AUTS2: variants seen among roughly 807,000 people sequenced by gnomAD.
The protein encoded by AUTS2 is activator of transcription and developmental regulator AUTS2, also known as autism susceptibility gene 2 protein.
In AUTS2, 17 loss-of-function variants were observed where a neutral mutation model predicts 112.4. The ratio of observed to expected loss-of-function variants is 0.15; its 90% CI spans 0.10 to 0.23. The LOEUF is 0.23. Among genes scored for constraint, AUTS2 ranks in the 10% least tolerant of loss-of-function variants. AUTS2 has a pLI of 1.00. For missense variants in AUTS2, 1,510 were observed against 1,701.6 expected, an observed-to-expected ratio of 0.89 and a Z score of 1.98; for synonymous variants, 751 against 702.7, an observed-to-expected ratio of 1.07 and a Z score of -1.09.
intron 1 of AUTS2, among the ~76,000 whole-genome samples, chr7:69,624,736 G>A (rs1793859318): frequency 6.6e-6 from 1 of 152,140 alleles, no homozygotes; most frequent in Admixed American, 6.5e-5. Flanking sequence ...CTAAACAGGT[G>A]ACAAGACTCC....
rs912544206 is a variant in AUTS2, at chr7:70,129,355, G to A, written c.625-5181G>A. ...GTTCTTTTCAGACCTTCAACTGATTGGATAAGTCTCACCCATTTTAGGGAG... is the reference window on the plus strand; with the variant it reads ...GTTCTTTTCAGACCTTCAACTGATTAGATAAGTCTCACCCATTTTAGGGAG... On this transcript the variant is annotated intron_variant, in intron 3 of 18. Coordinates refer to ENST00000342771, the MANE Select transcript of AUTS2 (RefSeq NM_015570.4). Among the ~76,000 whole-genome samples the A allele has an allele frequency of 5.9e-5, 9 of 152,264 alleles. No homozygotes were observed. In the South Asian group the frequency reaches 1.9e-3, roughly 32 times the overall value.
intron 8 of AUTS2, among the ~76,000 whole-genome samples, 180 bp from the exon 9 acceptor site, chr7:70,765,932 CAG>C (rs1196586055): frequency 6.6e-6 from 1 of 152,118 alleles, no homozygotes; most frequent in Non-Finnish European, 1.5e-5. Flanking sequence ...AACAGGGAGA[CAG>C]GGTGCGACCG....
At chr7:70,075,964 C>G (rs994925452) in intron 2 of AUTS2, among the ~76,000 whole-genome samples, 2 of 152,208 alleles carry the variant, frequency 1.3e-5, no homozygotes, top group African/African-American at 2.4e-5. Context: ...TACAGCTACT[C>G]AACTCTGCCA....
intron 4 of AUTS2, among the ~76,000 whole-genome samples, chr7:70,248,794 A>G (rs1265208639): frequency 6.6e-6 from 1 of 152,220 alleles, no homozygotes; most frequent in Non-Finnish European, 1.5e-5. Context: ...GGAGGAAAGG[A>G]AAGATAATGA....
chr7:69,615,466 C>G (rs1387475944), intron 1 of AUTS2, among the ~76,000 whole-genome samples: 1 of 152,090 alleles, frequency 6.6e-6, no homozygotes, highest in Non-Finnish European at 1.5e-5. Context: ...CCACACCTGG[C>G]TAATTTTTGT....
intron 1 of AUTS2, among the ~76,000 whole-genome samples, chr7:69,725,289 C>T (rs1786455801): frequency 6.6e-6 from 1 of 152,064 alleles, no homozygotes. Context: ...TTATGGAGCC[C>T]ACTTGAATCA....
At chr7:70,336,228 A>T (rs548946589) in intron 4 of AUTS2, among the ~76,000 whole-genome samples, 1 of 152,296 alleles carries the variant, frequency 6.6e-6, no homozygotes, top group African/African-American at 2.4e-5. Context: ...TGGAACAATA[A>T]AGAAAATGTA....
At chr7:69,719,618 T>C (rs1798809756) in intron 1 of AUTS2, among the ~76,000 whole-genome samples, 1 of 152,200 alleles carries the variant, frequency 6.6e-6, no homozygotes, top group Admixed American at 6.5e-5. Flanking sequence ...CTATGGGAAG[T>C]TGAGGGATCT....
At chr7:70,778,682 T>C (rs1370595382) in intron 14 of AUTS2, among the ~76,000 whole-genome samples, 1 of 152,204 alleles carries the variant, frequency 6.6e-6, no homozygotes, top group Non-Finnish European at 1.5e-5. Flanking sequence ...TACCTGCTCT[T>C]TCTTATAACA....
intron 3 of AUTS2, among the ~76,000 whole-genome samples, chr7:70,133,276 C>G (rs1054238905): frequency 6.6e-6 from 1 of 152,200 alleles, no homozygotes; most frequent in Non-Finnish European, 1.5e-5. Context: ...AAGAGCTTAG[C>G]ATCAAGAAGA....
At position 69,695,651 on chromosome 7, in the gene AUTS2, A is replaced by G. The variant is rs553717821; in HGVS notation, c.309+95689A>G. Among the ~76,000 whole-genome samples the G allele has an allele frequency of 1.7e-4, 26 of 152,306 alleles. No homozygotes were observed. In the South Asian group the frequency reaches 5.2e-3, roughly 30 times the overall value. ...TCTTAAAACTAGATTGATAGTAGAC[A>G]TTAATAGGCTTGATGTTGTTTATAA... On this transcript the variant is annotated intron_variant, in intron 1 of 18. Coordinates refer to ENST00000342771, the MANE Select transcript of AUTS2 (RefSeq NM_015570.4).
At chr7:69,667,178 A>T (rs948601234) in intron 1 of AUTS2, among the ~76,000 whole-genome samples, 10 of 151,822 alleles carry the variant, frequency 6.6e-5, no homozygotes, top group African/African-American at 2.4e-4. Context: ...CGCTATCCCT[A>T]CTCCCACAAT....
intron 4 of AUTS2, among the ~76,000 whole-genome samples, chr7:70,385,784 A>C (rs1425564532): frequency 6.6e-6 from 1 of 152,176 alleles, no homozygotes; most frequent in Non-Finnish European, 1.5e-5. Context: ...TATGATGTGA[A>C]CAGTAGCAGT....
intron 13 of AUTS2, among the ~76,000 whole-genome samples, chr7:70,776,312 A>G (rs6460557): frequency 0.19 from 29,631 of 152,068 alleles, 3,407 homozygotes; most frequent in East Asian, 0.38. Flanking sequence ...ATGAAGTGAA[A>G]AGGTGGTCCC....
intron 5 of AUTS2, among the ~76,000 whole-genome samples, chr7:70,492,504 C>G (rs1562991009): frequency 6.6e-6 from 1 of 152,164 alleles, no homozygotes; most frequent in Non-Finnish European, 1.5e-5. Context: ...TTCTCACATG[C>G]ATTCTCTTAC....
intron 5 of AUTS2, among the ~76,000 whole-genome samples, chr7:70,504,322 C>T (rs1798881893): frequency 6.6e-6 from 1 of 151,782 alleles, no homozygotes; most frequent in African/African-American, 2.4e-5. Flanking sequence ...CACCGTGACC[C>T]CATATCACAC....
At chr7:70,221,986 T>C (rs1584895770) in intron 4 of AUTS2, among the ~76,000 whole-genome samples, 2 of 152,202 alleles carry the variant, frequency 1.3e-5, no homozygotes, top group Non-Finnish European at 2.9e-5. Flanking sequence ...AGAATATAAA[T>C]GCAATTATTT....
At chr7:69,898,353 G>A (rs1442720824) in intron 1 of AUTS2, among the ~76,000 whole-genome samples, 1 of 152,166 alleles carries the variant, frequency 6.6e-6, no homozygotes, top group African/African-American at 2.4e-5. Flanking sequence ...ATTGCTTAGT[G>A]TGTGCATCAT....
chr7:69,674,659 A>G lies in AUTS2; in HGVS notation c.309+74697A>G, dbSNP rs529607787. ...GGTAGGGAATAAGGGCTGAGAATCT[A>G]ATCAGTTATTTTTAATTTATTGGGC... On this transcript the variant is annotated intron_variant, in intron 1 of 18. Transcript: ENST00000342771. Among the ~76,000 whole-genome samples, 9 of 152,286 alleles carry G rather than the reference A, an allele frequency of 5.9e-5. No homozygotes were observed. In the East Asian group the frequency reaches 1.7e-3, roughly 29 times the overall value.
Sources: allele counts gnomAD v4.1 joint callset (sites outside exome capture counted in the v4.1 genomes callset), GRCh38; gene constraint gnomAD v4.1.1; transcripts MANE v1.5; gene names NCBI Gene and HGNC (gene_info 2026-07-23, HGNC 2026-07-21).